The following PRR5L variants were observed in gnomAD, a reference collection of about 807,000 sequenced individuals.
PRR5L encodes the protein proline rich 5 like, also known as proline-rich protein 5-like.
Under a neutral mutation model 36.4 loss-of-function variants are expected in PRR5L, and 21 were observed. The observed-to-expected ratio is 0.58, with a 90% CI of 0.41 to 0.83. The LOEUF is 0.83. Ranked by LOEUF, PRR5L falls within the 40% of genes least tolerant of loss-of-function variation. The pLI is 0.00. For missense variants in PRR5L, 381 were observed against 473.3 expected (o/e 0.80, Z 1.81); for synonymous variants, 188 against 197.0 (o/e 0.95, Z 0.38).
intron 1 of PRR5L, among the ~76,000 whole-genome samples, chr11:36,397,908 G>C (rs1857701007): frequency 6.6e-6 from 1 of 151,980 alleles, no homozygotes. Context: ...CGATTCTCCT[G>C]CCTCAGCCCC....
At chr11:36,442,802 C>T (rs1466183835) in intron 6 of PRR5L, among the ~76,000 whole-genome samples, 2 of 152,198 alleles carry the variant, frequency 1.3e-5, no homozygotes, top group African/African-American at 4.8e-5. Flanking sequence ...CTTGAGACCA[C>T]CTCAGCCTGG....
intron 3 of PRR5L, among the ~76,000 whole-genome samples, chr11:36,410,532 C>T (rs1177564657): frequency 6.6e-6 from 1 of 152,210 alleles, no homozygotes; most frequent in African/African-American, 2.4e-5. Flanking sequence ...AATGAGGATA[C>T]ACTCCTACCT....
intron 1 of PRR5L, among the ~76,000 whole-genome samples, chr11:36,370,212 C>G (rs923688292): frequency 2.6e-5 from 4 of 152,184 alleles, no homozygotes; most frequent in African/African-American, 7.2e-5. Flanking sequence ...GACTCAGGGC[C>G]TCTGTACTGA....
intron 8 of PRR5L, among the ~76,000 whole-genome samples, chr11:36,455,036 C>T (rs772265893): frequency 5.9e-5 from 9 of 152,218 alleles, no homozygotes; most frequent in African/African-American, 1.4e-4. Flanking sequence ...AGGGCCCTCC[C>T]GAGCACACAC....
At chr11:36,314,340 A>T (rs915757813) in intron 1 of PRR5L, among the ~76,000 whole-genome samples, 2 of 152,212 alleles carry the variant, frequency 1.3e-5, no homozygotes, top group African/African-American at 4.8e-5. Flanking sequence ...AACAGTCCAC[A>T]GCTAGGGTTA....
At chr11:36,296,926 T>A (rs1037205929) in intron 1 of PRR5L, among the ~76,000 whole-genome samples, 2 of 152,214 alleles carry the variant, frequency 1.3e-5, no homozygotes, top group African/African-American at 4.8e-5. Flanking sequence ...CATTTTTTTT[T>A]ACAACATCCT....
intron 6 of PRR5L, among the ~76,000 whole-genome samples, chr11:36,444,546 T>G (rs1858788469): frequency 6.6e-6 from 1 of 152,228 alleles, no homozygotes; most frequent in South Asian, 2.1e-4. Flanking sequence ...GGAGTGCAGT[T>G]CAGGGGAATG....
intron 1 of PRR5L, among the ~76,000 whole-genome samples, chr11:36,300,629 G>A (rs570352768): frequency 1.5e-4 from 22 of 149,640 alleles, no homozygotes; most frequent in Non-Finnish European, 1.9e-4. Flanking sequence ...GATGACTTCC[G>A]AATATGAAGC....
At chr11:36,376,583 C>T in intron 1 of PRR5L, 1 of 990,276 alleles carries the variant, frequency 1.0e-6, no homozygotes, top group Non-Finnish European at 1.2e-6. Flanking sequence ...GCTCATTTCT[C>T]TCCGGTGAGA....
chr11:36,384,784 T>C (rs1485574668), intron 1 of PRR5L, among the ~76,000 whole-genome samples: 1 of 151,926 alleles, frequency 6.6e-6, no homozygotes, highest in Non-Finnish European at 1.5e-5. Context: ...GGGATCCTCC[T>C]GCCTCAGCCT....
intron 1 of PRR5L, among the ~76,000 whole-genome samples, chr11:36,348,949 G>A (rs1325824699): frequency 6.6e-6 from 1 of 152,064 alleles, no homozygotes. Flanking sequence ...TATGTTCAGG[G>A]TACATTTGAT....
intron 1 of PRR5L, among the ~76,000 whole-genome samples, chr11:36,330,588 A>T (rs1856708766): frequency 6.6e-6 from 1 of 152,186 alleles, no homozygotes; most frequent in Non-Finnish European, 1.5e-5. Flanking sequence ...AAAATCATTC[A>T]AGGAGTCATT....
At chr11:36,375,904 G>A (rs1166588145) in intron 1 of PRR5L, 1 of 283,686 alleles carries the variant, frequency 3.5e-6, no homozygotes, top group Non-Finnish European at 7.1e-6. Context: ...ACAACTTCTG[G>A]AATCGCCAGA....
intron 1 of PRR5L, among the ~76,000 whole-genome samples, chr11:36,313,365 G>T (rs569422518): frequency 6.6e-6 from 1 of 152,324 alleles, no homozygotes; most frequent in East Asian, 1.9e-4. Context: ...GTTTCATCCT[G>T]CCTTGAGGAA....
chr11:36,365,627 C>T (rs1035178364), intron 1 of PRR5L, among the ~76,000 whole-genome samples: 1 of 152,132 alleles, frequency 6.6e-6, no homozygotes, highest in African/African-American at 2.4e-5. Flanking sequence ...ACACCAGCAA[C>T]ATTTCATGGT....
intron 1 of PRR5L, among the ~76,000 whole-genome samples, chr11:36,312,229 T>C (rs1020474182): frequency 2.6e-5 from 4 of 152,096 alleles, no homozygotes; most frequent in African/African-American, 9.7e-5. Context: ...GGGGAAGACA[T>C]AGGGGCAACT....
chr11:36,320,347 G>A (rs774951306), intron 1 of PRR5L, among the ~76,000 whole-genome samples: 1 of 149,188 alleles, frequency 6.7e-6, no homozygotes, highest in Non-Finnish European at 1.5e-5. Context: ...GGGTTCAAGC[G>A]ATTCTCCTGC....
intron 8 of PRR5L, among the ~76,000 whole-genome samples, chr11:36,460,131 A>T (rs961748535): frequency 7.2e-5 from 11 of 152,206 alleles, no homozygotes; most frequent in African/African-American, 2.7e-4. Context: ...AGTTTTGCTT[A>T]AAAAGGGACA....
intron 3 of PRR5L, among the ~76,000 whole-genome samples, chr11:36,409,735 G>C (rs1310529262): frequency 6.6e-6 from 1 of 152,186 alleles, no homozygotes; most frequent in African/African-American, 2.4e-5. Flanking sequence ...TATATGCCAG[G>C]TTCCAAGTGC....
Sources: allele counts gnomAD v4.1 joint callset (sites outside exome capture counted in the v4.1 genomes callset), GRCh38; gene constraint gnomAD v4.1.1; transcripts MANE v1.5; gene names NCBI Gene and HGNC (gene_info 2026-07-23, HGNC 2026-07-21).